PCDH19: variants seen among roughly 807,000 people sequenced by gnomAD.
The protein encoded by PCDH19 is protocadherin-19.
A neutral mutation model predicts 46.2 loss-of-function variants in PCDH19; 6 were observed. The observed-to-expected ratio is 0.13, with a 90% CI of 0.07 to 0.26. PCDH19 has a LOEUF of 0.26. Among genes scored for constraint, PCDH19 ranks in the 10% least tolerant of loss-of-function variants. The pLI, the probability that PCDH19 is intolerant of heterozygous loss-of-function variation, is 1.00. For missense variants in PCDH19, 740 were observed against 972.3 expected, an observed-to-expected ratio of 0.76 and a Z score of 3.18; for synonymous variants, 481 against 415.7, an observed-to-expected ratio of 1.16 and a Z score of -1.91.
Position 100,408,583 on chromosome X carries a change from C to A in PCDH19, c.15G>T (p.Leu5=). MESL[L]LPVLLLLAIL... is the part of the protein sequence containing the mutation. ...TGGCCAGCAGCAGCAGCACCGGCAG[C>A]AGGAGCGACTCCATGGCTGCACGGG... Residue 5 remains leucine, a synonymous_variant, in exon 1 of 6, where the codon CTG becomes CTT. Coordinates refer to ENST00000373034, the MANE Select transcript of PCDH19 (RefSeq NM_001184880.2). 8.5e-7 allele frequency: 1 copy of A among 1,173,582 alleles called. No homozygotes were observed. Among genetic ancestry groups the A allele is most frequent in the South Asian group, 1.9e-5 (1 of 53,665 alleles).
intron 3 of PCDH19, among the ~76,000 whole-genome samples, chrX:100,393,536 A>ACACACACACACAC (rs59887213): frequency 4.4e-5 from 4 of 91,259 alleles, no homozygotes; most frequent in East Asian, 3.2e-4. Flanking sequence ...ACACACACAC[A>ACACACACACACAC]AACTCCCCTA....
chrX:100,399,739 A>G (rs1317630535), intron 3 of PCDH19, among the ~76,000 whole-genome samples: 1 of 111,851 alleles, frequency 8.9e-6, no homozygotes, highest in Non-Finnish European at 1.9e-5. Context: ...ACTGAATATT[A>G]GAAATACACA....
At chrX:100,320,597 A>G (rs1925444813) in intron 5 of PCDH19, among the ~76,000 whole-genome samples, 2 of 111,344 alleles carry the variant, frequency 1.8e-5, no homozygotes, top group African/African-American at 6.5e-5. Flanking sequence ...GAACTAATCA[A>G]TCTTGAATGA....
chrX:100,300,233 C>A (rs112749696), intron 5 of PCDH19, among the ~76,000 whole-genome samples: 2 of 111,132 alleles, frequency 1.8e-5, no homozygotes, highest in African/African-American at 6.5e-5. Flanking sequence ...AATACAAAGC[C>A]CCTTAAAAAT....
At chrX:100,309,181 C>CACACACACACACACACACA (rs1569287919) in intron 5 of PCDH19, among the ~76,000 whole-genome samples, 5 of 109,807 alleles carry the variant, frequency 4.6e-5, no homozygotes, top group Non-Finnish European at 3.8e-5. Flanking sequence ...CACACACACA[C>CACACACACACACACACACA]CATGGAAATA....
intron 5 of PCDH19, among the ~76,000 whole-genome samples, chrX:100,315,639 C>T (rs1293212785): frequency 8.9e-6 from 1 of 112,433 alleles, no homozygotes; most frequent in Non-Finnish European, 1.9e-5. Context: ...ATGGCACAAG[C>T]CCAGCAGTTC....
chrX:100,359,793 G>GTGTGTGTGTGTGTGTGTA (rs1926826569), intron 3 of PCDH19, among the ~76,000 whole-genome samples: 1 of 72,706 alleles, frequency 1.4e-5, no homozygotes, highest in Non-Finnish European at 2.5e-5. Context: ...ACATATAAGA[G>GTGTGTGTGTGTGTGTGTA]TGTGTGTGTG....
chrX:100,408,749 C>T lies in PCDH19; in HGVS notation c.-152G>A, dbSNP rs1928494382. The T allele has an allele frequency of 9.9e-6, 3 of 304,048 alleles. No individual in the cohort carries two copies. The highest frequency in any genetic ancestry group is 1.6e-5 in the Non-Finnish European group (3 of 191,856). The allele number at this position is 304,048 out of a possible 1,213,427, so 25.1% of individuals were successfully genotyped here. ...AGAAGTCCCGCCCAGGGCGGCCCGG[C>T]GGCGCGCGGGGGACACCCGCGGCGG... On this transcript the variant is annotated 5_prime_UTR_variant, in exon 1 of 6. Transcript: ENST00000373034.
intron 3 of PCDH19, among the ~76,000 whole-genome samples, chrX:100,394,923 T>C (rs1927979308): frequency 1.0e-5 from 1 of 100,008 alleles, no homozygotes; most frequent in African/African-American, 3.8e-5. Context: ...AGTCTCGCTC[T>C]GTCGCCCAGG....
intron 5 of PCDH19, among the ~76,000 whole-genome samples, chrX:100,298,377 C>T (rs1048879162): frequency 8.9e-6 from 1 of 112,018 alleles, no homozygotes; most frequent in Non-Finnish European, 1.9e-5. Context: ...CAATTCTGGG[C>T]ATGGCCCTTG....
At chrX:100,336,526 C>T (rs907786228) in intron 5 of PCDH19, among the ~76,000 whole-genome samples, 5 of 112,085 alleles carry the variant, frequency 4.5e-5, no homozygotes, top group Non-Finnish European at 5.6e-5. Context: ...ACACAGCAAA[C>T]ATGTTAAATG....
rs1341425901 is a variant in PCDH19, at chrX:100,296,883, G to C, written c.2849-8C>G. The C allele has an allele frequency of 6.8e-6, 8 of 1,172,882 alleles. No homozygotes were observed. Among genetic ancestry groups the C allele is most frequent in the Non-Finnish European group, 8.1e-6 (7 of 862,104 alleles). On this transcript the variant is annotated splice_region_variant and splice_polypyrimidine_tract_variant and intron_variant, in intron 5 of 5. Coordinates refer to ENST00000373034, the MANE Select transcript of PCDH19 (RefSeq NM_001184880.2). ...GAAATCCTTCATTCTGATCTGTTTGGAAAAAAGAAAATATCAATTTCATCA... is the reference window on the plus strand; with the variant it reads ...GAAATCCTTCATTCTGATCTGTTTGCAAAAAAGAAAATATCAATTTCATCA...
rs762069884 is a variant in PCDH19, at chrX:100,408,459, G to C, written c.139C>G (p.Arg47Gly). The C allele has an allele frequency of 2.5e-6, 3 of 1,205,267 alleles. No homozygotes were observed. Among genetic ancestry groups the C allele is most frequent in the Non-Finnish European group, 3.4e-6 (3 of 894,116 alleles). ...GGGTCCAGCGCGAAGCCCGCCTCTC[G>C]CGCGTCTTTGGCCACGTTGGCAATC... The part of the protein sequence containing the change: ...TVIANVAKDA[R>G]EAGFALDPRQ... The change falls in exon 1 of 6, where the codon CGA becomes GGA. Residue 47 changes from arginine to glycine, a missense_variant. By Grantham distance (125) the Arg-to-Gly change is moderately radical (BLOSUM62 -2). Around this residue, in one of 5 missense-constraint regions of PCDH19, gnomAD observed 81 missense variants for 96.5 expected, o/e 0.84. Transcript: ENST00000373034.
chrX:100,361,295 T>C (rs758726658), intron 3 of PCDH19, among the ~76,000 whole-genome samples: 2 of 111,959 alleles, frequency 1.8e-5, no homozygotes, highest in African/African-American at 3.2e-5. Flanking sequence ...CAATAGTCAT[T>C]TTGCACCAGT....
intron 3 of PCDH19, among the ~76,000 whole-genome samples, chrX:100,372,837 C>T (rs952801213): frequency 2.7e-5 from 3 of 112,063 alleles, no homozygotes; most frequent in African/African-American, 9.7e-5. Context: ...AAATACTTAA[C>T]TTTCATATAA....
intron 5 of PCDH19, among the ~76,000 whole-genome samples, chrX:100,306,990 A>C (rs1249763430): frequency 1.8e-5 from 2 of 111,999 alleles, no homozygotes; most frequent in African/African-American, 6.5e-5. Flanking sequence ...ATTGGTACCA[A>C]TCCTATTAAC....
intron 3 of PCDH19, among the ~76,000 whole-genome samples, chrX:100,353,441 A>C (rs1820927518): frequency 8.9e-6 from 1 of 111,984 alleles, no homozygotes; most frequent in Admixed American, 9.5e-5. Flanking sequence ...AGCTCCGCGG[A>C]GACCTGACCT....
chrX:100,379,893 C>T (rs1037906333), intron 3 of PCDH19, among the ~76,000 whole-genome samples: 3 of 111,758 alleles, frequency 2.7e-5, no homozygotes, highest in African/African-American at 9.8e-5. Context: ...CACCCATTGA[C>T]ATTGGTTGGG....
At chrX:100,376,035 G>A (rs760436637) in intron 3 of PCDH19, among the ~76,000 whole-genome samples, 6 of 110,455 alleles carry the variant, frequency 5.4e-5, no homozygotes, top group Non-Finnish European at 1.1e-4. Flanking sequence ...TCAGGAGTCT[G>A]AGACCAGCCT....
Sources: gnomAD v4.1 joint callset for allele counts (sites outside exome capture counted in the v4.1 genomes callset) on GRCh38, gnomAD v4.1.1 for gene constraint, gnomAD v4.1.1 regional missense constraint, MANE v1.5 for transcripts, NCBI Gene and HGNC (gene_info 2026-07-23, HGNC 2026-07-21) for gene names.